Variants in ABL1 observed in about 807,000 individuals in gnomAD.
ABL1 encodes the protein tyrosine-protein kinase ABL1.
In ABL1, 11 loss-of-function variants were observed where a neutral mutation model predicts 94.7. The ratio of observed to expected loss-of-function variants is 0.12; its 90% CI spans 0.07 to 0.19. The LOEUF (loss-of-function observed/expected upper bound fraction) is 0.19, where lower values mean the gene tolerates loss of function less well. Ranked by LOEUF, ABL1 falls within the 10% of genes least tolerant of loss-of-function variation. The pLI, the probability that ABL1 is intolerant of heterozygous loss-of-function variation, is 1.00. For missense variants in ABL1, 1,082 were observed against 1,489.4 expected (o/e 0.73, Z 4.50); for synonymous variants, 656 against 622.4 (o/e 1.05, Z -0.80).
chr9:130,771,718 T>C (rs1832253449), intron 1 of ABL1, among the ~76,000 whole-genome samples: 1 of 151,514 alleles, frequency 6.6e-6, no homozygotes, highest in Non-Finnish European at 1.5e-5. Context: ...TATAGTTTCC[T>C]TGGTCAAATG....
At chr9:130,753,057 C>A (rs1361446026) in intron 1 of ABL1, among the ~76,000 whole-genome samples, 1 of 151,736 alleles carries the variant, frequency 6.6e-6, no homozygotes, top group Non-Finnish European at 1.5e-5. Context: ...GAGATCGAGA[C>A]CATCCTGGCT....
At chr9:130,853,829 TG>T (rs1564312071) in intron 1 of ABL1, among the ~76,000 whole-genome samples, 1 of 152,246 alleles carries the variant, frequency 6.6e-6, no homozygotes, top group Non-Finnish European at 1.5e-5. Context: ...CTCAAACTAT[TG>T]GGGAACAATA....
chr9:130,803,217 C>G (rs1211635526), intron 1 of ABL1, among the ~76,000 whole-genome samples: 1 of 151,918 alleles, frequency 6.6e-6, no homozygotes, highest in Non-Finnish European at 1.5e-5. Flanking sequence ...TTTTTGTATT[C>G]TTAGTAGAGA....
At chr9:130,820,425 T>C (rs1830344097) in intron 1 of ABL1, among the ~76,000 whole-genome samples, 1 of 152,212 alleles carries the variant, frequency 6.6e-6, no homozygotes, top group African/African-American at 2.4e-5. Context: ...CTGTGCTGGA[T>C]TGCTGGCTTT....
Position 130,885,636 on chromosome 9 carries a change from A to G in ABL1, c.3346A>G (p.Lys1116Glu). The change falls in exon 11 of 11, where the codon AAG (lysine) becomes GAG (glutamate). Residue 1116 changes from lysine (K) to glutamate (E), a missense_variant. This residue lies in a region of ABL1 where 780 missense variants were observed against 835.8 expected (regional missense o/e 0.93). Transcript: ENST00000318560. ...SGPAATQDFS[K>E]LLSSVKEISD... The stretch of plus-strand genomic sequence containing the variant: ...TCCAGCGGCCACTCAGGACTTCAGC[A>G]AGCTCCTCAGTTCGGTGAAGGAAAT... 2 of 1,613,212 alleles carry G rather than the reference A, an allele frequency of 1.2e-6. No individual in the cohort carries two copies. The highest frequency in any genetic ancestry group is 1.7e-6 in the Non-Finnish European group (2 of 1,179,864).
rs566312542 is a variant in ABL1 at position 130,818,519 on chromosome 9, T to G, written c.137-35545T>G. ...GTTTATCAGTGATTTCTCTTAAGTTTCATGCATTGGGTATTGTAGCTAAGA... is the reference window on the plus strand; with the variant it reads ...GTTTATCAGTGATTTCTCTTAAGTTGCATGCATTGGGTATTGTAGCTAAGA... On this transcript the variant is annotated intron_variant, in intron 1 of 10. Coordinates refer to the ABL1 transcript ENST00000372348. Among the ~76,000 whole-genome samples, 17 of 152,340 alleles carry G rather than the reference T, an allele frequency of 1.1e-4. No individual in the cohort carries two copies. The East Asian group carries it at 3.3e-3, about 29-fold the overall frequency.
chr9:130,735,468 T>G (rs1008454738), intron 1 of ABL1, among the ~76,000 whole-genome samples: 11 of 151,866 alleles, frequency 7.2e-5, no homozygotes, highest in Non-Finnish European at 1.3e-4. Flanking sequence ...GGAAAATTTT[T>G]TGTGTGTGGT....
chr9:130,752,309 T>C (rs1831976253), intron 1 of ABL1, among the ~76,000 whole-genome samples: 1 of 152,200 alleles, frequency 6.6e-6, no homozygotes, highest in Non-Finnish European at 1.5e-5. Flanking sequence ...CTTTCTCATC[T>C]TTAAGATAGG....
In ABL1 at chr9:130,854,159, A is replaced by G. The variant is rs774292059; in HGVS notation, c.175A>G (p.Ser59Gly). 6.2e-7 allele frequency: 1 copy of G among 1,614,200 alleles called. No homozygotes were observed. Among genetic ancestry groups the G allele is most frequent in the Non-Finnish European group, 8.5e-7 (1 of 1,180,028 alleles). Reference sequence around the variant, plus strand: ...CAAGGAAAACCTTCTCGCTGGACCCAGTGAAAATGACCCCAACCTTTTCGT... The same window carrying G: ...CAAGGAAAACCTTCTCGCTGGACCCGGTGAAAATGACCCCAACCTTTTCGT... The part of the protein sequence containing the change: ...NSKENLLAGP[S>G]ENDPNLFVAL... Residue 59 changes from serine to glycine, a missense_variant, in exon 2 of 11, where the codon AGT (serine) becomes GGT (glycine). By Grantham distance (56) the Ser-to-Gly change is moderately conservative (BLOSUM62 0). This residue lies in a region of ABL1 where 65 missense variants were observed against 80.8 expected (regional missense o/e 0.80). Coordinates refer to ENST00000318560, the MANE Select transcript of ABL1 (RefSeq NM_005157.6).
intron 1 of ABL1, among the ~76,000 whole-genome samples, chr9:130,715,727 C>T (rs1281528434): frequency 1.3e-5 from 2 of 152,146 alleles, no homozygotes; most frequent in Non-Finnish European, 1.5e-5. Flanking sequence ...CGGAACTTAT[C>T]AGAATTTGAA....
In ABL1 at chr9:130,874,895, A is replaced by G. The variant is rs1267778737; in HGVS notation, c.1113A>G (p.Val371=). 1 of 1,614,078 alleles carries G rather than the reference A, an allele frequency of 6.2e-7. No homozygotes were observed. Among genetic ancestry groups the G allele is most frequent in the Non-Finnish European group, 8.5e-7 (1 of 1,180,030 alleles). Residue 371 remains valine, a synonymous_variant, in exon 7 of 11, where the codon GTA becomes GTG. Coordinates refer to ENST00000318560, the MANE Select transcript of ABL1 (RefSeq NM_005157.6). ...HRDLAARNCL[V]GENHLVKVAD... is the part of the protein sequence containing the mutation. ...ATCTTGCTGCCCGAAACTGCCTGGT[A>G]GGGGAGAACCACTTGGTGAAGGTAG...
chr9:130,847,524 G>T (rs1167626283), intron 1 of ABL1, among the ~76,000 whole-genome samples: 3 of 152,114 alleles, frequency 2.0e-5, no homozygotes, highest in Non-Finnish European at 2.9e-5. Context: ...TAAGGTTGAC[G>T]AGCATAGTTC....
In ABL1 at chr9:130,872,635, C is replaced by T. The variant is rs1831273146; in HGVS notation, c.908-225C>T. ...CGTCTGAATTCTGTGGCAGCCTCTC[C>T]CTGCGTAAATTCAAGTTCACTGGCT... On this transcript the variant is annotated intron_variant, in intron 5 of 10. Transcript: ENST00000318560. The surrounding 1 kb of genome is among the most constrained non-coding windows in gnomAD (Gnocchi z 5.0). Among the ~76,000 whole-genome samples the T allele has an allele frequency of 6.6e-6, 1 of 152,128 alleles. No individual in the cohort carries two copies. The highest frequency in any genetic ancestry group is 2.4e-5 in the African/African-American group (1 of 41,412).
At chr9:130,866,971 C>A (rs140586749) in intron 4 of ABL1, among the ~76,000 whole-genome samples, 1 of 152,318 alleles carries the variant, frequency 6.6e-6, no homozygotes, top group Non-Finnish European at 1.5e-5. Flanking sequence ...CCACTGTGCC[C>A]AGCTAAGAGG....
chr9:130,758,157 ATT>A (rs375183745), intron 1 of ABL1, among the ~76,000 whole-genome samples: 1 of 145,198 alleles, frequency 6.9e-6, no homozygotes, highest in Admixed American at 6.9e-5. Context: ...AGTGGCTAAG[ATT>A]TTTTTTTTTT....
At chr9:130,802,985 T>C (rs1830076423) in intron 1 of ABL1, among the ~76,000 whole-genome samples, 1 of 152,298 alleles carries the variant, frequency 6.6e-6, no homozygotes, top group East Asian at 1.9e-4. Context: ...TGTACGGGGA[T>C]TGGAGATCTT....
intron 1 of ABL1, among the ~76,000 whole-genome samples, chr9:130,735,960 TA>T (rs1471244180): frequency 7.3e-4 from 56 of 76,304 alleles, no homozygotes; most frequent in South Asian, 2.0e-3. Context: ...TATATATATA[TA>T]TTTTTTTTTT....
intron 1 of ABL1, among the ~76,000 whole-genome samples, chr9:130,742,998 G>A (rs1831838936): frequency 6.6e-6 from 1 of 152,146 alleles, no homozygotes; most frequent in Non-Finnish European, 1.5e-5. Flanking sequence ...CAATGGGACT[G>A]AATTTGCTTC....
At chr9:130,833,116 C>T (rs1337536392), upstream of ABL1, among the ~76,000 whole-genome samples, 1 of 152,024 alleles carries the variant, frequency 6.6e-6, no homozygotes, top group African/African-American at 2.4e-5. Context: ...TAAACATATA[C>T]CAATATAAAG....
Sources: allele counts gnomAD v4.1 joint callset (sites outside exome capture counted in the v4.1 genomes callset), GRCh38; gene constraint gnomAD v4.1.1; regional missense constraint gnomAD v4.1.1; non-coding constraint Gnocchi (gnomAD v3.1); transcripts MANE v1.5; gene names NCBI Gene and HGNC (gene_info 2026-07-23, HGNC 2026-07-21).